C10orf71: variants seen among roughly 807,000 people sequenced by gnomAD.
The protein encoded by C10orf71 is chromosome 10 open reading frame 71.
For missense variants in C10orf71, 1,869 were observed against 1,804.5 expected (o/e 1.04, Z -0.65); for synonymous variants, 758 against 726.3 (o/e 1.04, Z -0.70).
In C10orf71 at chr10:49,324,761, C is replaced by A. The variant is rs1233988171; in HGVS notation, c.2216C>A (p.Ser739Ter). ...AGCTCTTCAGATCAATCCTTTGCCT[C>A]ATTTGATGATCAGCAGAAGATGTGG... ...STSSSDQSFASFDDQQKMWFT... is the reference protein window; with the variant it reads ...STSSSDQSFA Residue 739 changes from serine to a stop codon, truncating the protein, a stop_gained, in exon 3 of 3, where the codon TCA becomes TAA. Transcript: ENST00000374144. LOFTEE classifies it low-confidence loss of function (END_TRUNC). 1 of 1,556,482 alleles carries A rather than the reference C, an allele frequency of 6.4e-7. No individual in the cohort carries two copies.
chr10:49,324,459 A>C lies in C10orf71; in HGVS notation c.1914A>C (p.Glu638Asp). ...CCAGCTGGTGTCCAGACTCCAGGGA[A>C]CACCGCCCCAGGAAACACCTCTCCC... ...AGSSWCPDSR[E>D]HRPRKHLSLR... The change falls in exon 3 of 3, where the codon GAA becomes GAC. Residue 638 changes from glutamate to aspartate, a missense_variant. Physicochemically the swap from Glu to Asp is conservative, Grantham distance 45 (BLOSUM62 2). Coordinates refer to ENST00000374144, the MANE Select transcript of C10orf71 (RefSeq NM_001135196.2). The C allele has an allele frequency of 1.2e-6, 2 of 1,607,324 alleles. No homozygotes were observed. Among genetic ancestry groups the C allele is most frequent in the Non-Finnish European group, 1.7e-6 (2 of 1,176,572 alleles).
At chr10:49,309,098 G>A (rs1411652171) in intron 1 of C10orf71, among the ~76,000 whole-genome samples, 10 of 152,182 alleles carry the variant, frequency 6.6e-5, no homozygotes, top group South Asian at 2.1e-4. Context: ...TGCAGGGGTC[G>A]ACCTGCTGCT....
At position 49,326,054 on chromosome 10, in the gene C10orf71, C is replaced by T. The variant is rs1325181199; in HGVS notation, c.3509C>T (p.Pro1170Leu). 3 of 1,551,612 alleles carry T rather than the reference C, an allele frequency of 1.9e-6. No individual in the cohort carries two copies. The highest frequency in any genetic ancestry group is 1.7e-6 in the Non-Finnish European group (2 of 1,147,000). ...CAGCTAGAGAGGACAGCAAGCAAGC[C>T]ACCTGCAGTCCCACCCAAAACAGAG... Reference protein sequence around the residue: ...PAQLERTASKPPAVPPKTEKA... With the variant: ...PAQLERTASKLPAVPPKTEKA... Residue 1170 changes from proline (P) to leucine (L), a missense_variant, in exon 3 of 3, where the codon CCA becomes CTA. Pro to Leu is a moderately conservative substitution (Grantham distance 98). Coordinates refer to ENST00000374144, the MANE Select transcript of C10orf71 (RefSeq NM_001135196.2).
rs1230572292 is a variant in C10orf71, at chr10:49,327,165, C to T, written c.*312C>T. ...CCCTCCCTTCCTCCCTCTCCTGGCC[C>T]ACCCTGCTCTTCCCTCGCCCTGCAA... On this transcript the variant is annotated 3_prime_UTR_variant, in exon 3 of 3. Coordinates refer to ENST00000374144, the MANE Select transcript of C10orf71 (RefSeq NM_001135196.2). 1.3e-6 allele frequency: 1 copy of T among 788,826 alleles called. No homozygotes were observed. Among genetic ancestry groups the T allele is most frequent in the Non-Finnish European group, 1.8e-6 (1 of 546,892 alleles). The allele number at this position is 788,826 out of a possible 1,614,324, so 48.9% of individuals were successfully genotyped here. A position where few individuals can be genotyped will look rare whatever the true frequency, so the allele number is the denominator to read the frequency against.
rs1413900650 is a variant in C10orf71 at position 49,324,310 on chromosome 10, C to G, written c.1765C>G (p.Leu589Val). 1 of 1,613,812 alleles carries G rather than the reference C, an allele frequency of 6.2e-7. No individual in the cohort carries two copies. The highest frequency in any genetic ancestry group is 1.7e-5 in the Admixed American group (1 of 59,990). The change falls in exon 3 of 3, where the codon CTA becomes GTA. Residue 589 changes from leucine to valine, a missense_variant. Leu to Val is a conservative substitution (Grantham distance 32). Transcript: ENST00000374144. Reference protein sequence around the residue: ...DPSEPSADSYLTLSTAPTIAK... With the variant: ...DPSEPSADSYVTLSTAPTIAK... ...CAGTGAGCCCTCTGCAGACAGCTATCTAACTCTTAGCACAGCTCCGACTAT... is the reference window on the plus strand; with the variant it reads ...CAGTGAGCCCTCTGCAGACAGCTATGTAACTCTTAGCACAGCTCCGACTAT...
chr10:49,317,753 A>G (rs1849023744), intron 2 of C10orf71, among the ~76,000 whole-genome samples: 1 of 152,244 alleles, frequency 6.6e-6, no homozygotes, highest in Admixed American at 6.5e-5. Context: ...TGGTAGGCCA[A>G]GGTGGGAAGA....
At chr10:49,314,507 T>C (rs963145084) in intron 1 of C10orf71, among the ~76,000 whole-genome samples, 3 of 152,210 alleles carry the variant, frequency 2.0e-5, no homozygotes, top group Non-Finnish European at 4.4e-5. Flanking sequence ...GTTTTTTCAC[T>C]GGCATCTGGA....
In C10orf71 at chr10:49,302,004, G is replaced by A. The variant is rs148209443; in HGVS notation, c.-248+2771G>A. Among the ~76,000 whole-genome samples the A allele has an allele frequency of 3.9e-5, 6 of 152,266 alleles. No individual in the cohort carries two copies. In the East Asian group the frequency reaches 1.2e-3, roughly 29 times the overall value. ...TCTTTCACTACTAACCCCCTTCCCAGGTGGGCTTGAGCTGCTGAGGAGCTG... is the reference window on the plus strand; with the variant it reads ...TCTTTCACTACTAACCCCCTTCCCAAGTGGGCTTGAGCTGCTGAGGAGCTG... On this transcript the variant is annotated intron_variant, in intron 1 of 2. Transcript: ENST00000374144.
At chr10:49,302,295 C>G (rs1042457808) in intron 1 of C10orf71, among the ~76,000 whole-genome samples, 2 of 152,234 alleles carry the variant, frequency 1.3e-5, no homozygotes, top group African/African-American at 4.8e-5. Flanking sequence ...GGTTGCCAAG[C>G]CACAGTAGCA....
At chr10:49,300,003 G>T (rs1848698555) in intron 1 of C10orf71, among the ~76,000 whole-genome samples, 1 of 152,238 alleles carries the variant, frequency 6.6e-6, no homozygotes. Context: ...CTCCCACAGG[G>T]TATGCTTGAC....
At chr10:49,313,097 CA>C (rs1408986671) in intron 1 of C10orf71, among the ~76,000 whole-genome samples, 1 of 152,164 alleles carries the variant, frequency 6.6e-6, no homozygotes, top group East Asian at 1.9e-4. Flanking sequence ...CATTTAACAA[CA>C]AATCACCCAG....
intron 1 of C10orf71, among the ~76,000 whole-genome samples, chr10:49,303,547 T>C (rs1848763077): frequency 6.6e-6 from 1 of 152,168 alleles, no homozygotes; most frequent in Non-Finnish European, 1.5e-5. Context: ...GATCAAGCAC[T>C]GTTAAGCCAG....
Position 49,323,802 on chromosome 10 carries a change from A to G in C10orf71, c.1257A>G (p.Glu419=). ...TGTATACAAAACACAACCCCCAGGAACAGTTTTCAGAAAACAATGCTCTTG... is the reference window on the plus strand; with the variant it reads ...TGTATACAAAACACAACCCCCAGGAGCAGTTTTCAGAAAACAATGCTCTTG... ...PPLYTKHNPQ[E]QFSENNALDL... is the part of the protein sequence containing the mutation. The change falls in exon 3 of 3, where the codon GAA becomes GAG. Residue 419 remains glutamate, a synonymous_variant. Coordinates refer to ENST00000374144, the MANE Select transcript of C10orf71 (RefSeq NM_001135196.2). 1 of 1,613,998 alleles carries G rather than the reference A, an allele frequency of 6.2e-7. No individual in the cohort carries two copies. Among genetic ancestry groups the G allele is most frequent in the Non-Finnish European group, 8.5e-7 (1 of 1,179,872 alleles).
chr10:49,324,186 G>A lies in C10orf71; in HGVS notation c.1641G>A (p.Gly547=). 6.2e-7 allele frequency: 1 copy of A among 1,613,954 alleles called. No individual in the cohort carries two copies. The highest frequency in any genetic ancestry group is 8.5e-7 in the Non-Finnish European group (1 of 1,179,892). Residue 547 remains glycine (G), a synonymous_variant, in exon 3 of 3, where the codon GGG becomes GGA. Transcript: ENST00000374144. ...GCAACGGTGTCATCCTCCCCAATGG[G>A]CTTGAGGAAAGCCCTCCAAATGAGC... is the stretch of plus-strand genomic sequence containing the variant. ...PVSNGVILPN[G]LEESPPNELS...
chr10:49,320,240 A>G (rs1849071889), intron 2 of C10orf71, among the ~76,000 whole-genome samples: 1 of 152,206 alleles, frequency 6.6e-6, no homozygotes, highest in South Asian at 2.1e-4. Context: ...GCTGGAGCCC[A>G]GTCAGAGACT....
At chr10:49,304,080 G>A (rs1590322811) in intron 1 of C10orf71, among the ~76,000 whole-genome samples, 1 of 152,222 alleles carries the variant, frequency 6.6e-6, no homozygotes, top group Non-Finnish European at 1.5e-5. Context: ...GGGAAGATGA[G>A]CTCTGCAGGA....
At chr10:49,306,046 A>G (rs962650593) in intron 1 of C10orf71, among the ~76,000 whole-genome samples, 2 of 152,368 alleles carry the variant, frequency 1.3e-5, no homozygotes, top group Middle Eastern at 6.8e-3. Context: ...CATGTAGAGG[A>G]GAAACCTCTG....
intron 2 of C10orf71, among the ~76,000 whole-genome samples, chr10:49,319,663 A>G (rs1204294770): frequency 1.9e-5 from 2 of 105,744 alleles, no homozygotes; most frequent in East Asian, 4.8e-4. Context: ...TGGTGTATAT[A>G]TATGTACACA....
At position 49,323,229 on chromosome 10, in the gene C10orf71, C is replaced by T; in HGVS notation, c.684C>T (p.Ala228=). The T allele has an allele frequency of 6.2e-7, 1 of 1,613,944 alleles. No homozygotes were observed. Among genetic ancestry groups the T allele is most frequent in the Non-Finnish European group, 8.5e-7 (1 of 1,179,868 alleles). Residue 228 remains alanine (A), a synonymous_variant, in exon 3 of 3, where the codon GCC becomes GCT. Coordinates refer to ENST00000374144, the MANE Select transcript of C10orf71 (RefSeq NM_001135196.2). ...EQESSKNPEM[A]CHGSSSFLPA... Reference sequence around the variant, plus strand: ...AGTCCTCCAAGAATCCAGAAATGGCCTGTCACGGCTCCAGCAGCTTCCTCC... The same window carrying T: ...AGTCCTCCAAGAATCCAGAAATGGCTTGTCACGGCTCCAGCAGCTTCCTCC...
Sources: gnomAD v4.1 joint callset for allele counts (sites outside exome capture counted in the v4.1 genomes callset) on GRCh38, gnomAD v4.1.1 for gene constraint, MANE v1.5 for transcripts, NCBI Gene and HGNC (gene_info 2026-07-23, HGNC 2026-07-21) for gene names.